Variants in INPP5F observed in about 807,000 individuals in gnomAD.
INPP5F encodes phosphatidylinositide 4-phosphatase SAC2.
Under a neutral mutation model 137.2 loss-of-function variants are expected in INPP5F, and 97 were observed. The observed-to-expected ratio is 0.71, with a 90% CI of 0.60 to 0.84. The LOEUF (loss-of-function observed/expected upper bound fraction) is 0.84. Among genes scored for constraint, INPP5F ranks in the 40% least tolerant of loss-of-function variants. The probability of loss-of-function intolerance (pLI) is 0.00; values close to 1 mark genes in which losing one functional copy is unlikely to be tolerated. For missense variants in INPP5F, 1,271 were observed against 1,371.9 expected (o/e 0.93, Z 1.16); for synonymous variants, 504 against 476.9 (o/e 1.06, Z -0.74).
intron 2 of INPP5F, among the ~76,000 whole-genome samples, chr10:119,771,231 T>C (rs147581247): frequency 6.6e-5 from 10 of 152,334 alleles, no homozygotes; most frequent in Admixed American, 5.9e-4. Context: ...TGTGATTGTT[T>C]TTTTTCACTT....
intron 2 of INPP5F, among the ~76,000 whole-genome samples, chr10:119,769,422 C>T (rs1203730009): frequency 7.9e-5 from 12 of 152,238 alleles, no homozygotes; most frequent in Admixed American, 5.2e-4. Context: ...CACACACCAC[C>T]GGATCTGGCA....
At chr10:119,756,810 T>A (rs192780161) in intron 2 of INPP5F, among the ~76,000 whole-genome samples, 1 of 150,490 alleles carries the variant, frequency 6.6e-6, no homozygotes, top group Admixed American at 6.7e-5. Flanking sequence ...TCAAACTATT[T>A]CTGTGCGTGT....
At chr10:119,726,503 CATT>C (rs1221004539) in intron 1 of INPP5F, 144 bp downstream of exon 1, 3 of 330,894 alleles carry the variant, frequency 9.1e-6, no homozygotes, top group South Asian at 2.8e-4. Flanking sequence ...CGCGAGCTGT[CATT>C]ATTCCCTGAC....
At chr10:119,784,839 A>G (rs1363916649) in intron 3 of INPP5F, among the ~76,000 whole-genome samples, 1 of 152,206 alleles carries the variant, frequency 6.6e-6, no homozygotes, top group Non-Finnish European at 1.5e-5. Context: ...TGTCTTCGTT[A>G]GCAGCCACTC....
chr10:119,768,885 G>A (rs1849255940), intron 2 of INPP5F, among the ~76,000 whole-genome samples: 1 of 152,176 alleles, frequency 6.6e-6, no homozygotes, highest in Non-Finnish European at 1.5e-5. Flanking sequence ...AATAAATTAT[G>A]GTTGTATGCT....
At chr10:119,812,701 A>G (rs1851091014) in intron 15 of INPP5F, among the ~76,000 whole-genome samples, 2 of 152,368 alleles carry the variant, frequency 1.3e-5, no homozygotes, top group Admixed American at 6.5e-5. Flanking sequence ...ATAGGGAAAC[A>G]TCCCATGATA....
At chr10:119,787,000 CT>C (rs1849943409) in intron 3 of INPP5F, among the ~76,000 whole-genome samples, 1 of 151,966 alleles carries the variant, frequency 6.6e-6, no homozygotes, top group South Asian at 2.1e-4. Flanking sequence ...AGGTTATTCC[CT>C]GTATTTTCTA....
At chr10:119,811,161 C>G (rs548157274) in intron 14 of INPP5F, among the ~76,000 whole-genome samples, 1 of 152,218 alleles carries the variant, frequency 6.6e-6, no homozygotes, top group African/African-American at 2.4e-5. Context: ...CAGCTGCATC[C>G]AGATCCTGAA....
chr10:119,826,222 T>C (rs1554897455), intron 19 of INPP5F, among the ~76,000 whole-genome samples: 1 of 152,338 alleles, frequency 6.6e-6, no homozygotes, highest in South Asian at 2.1e-4. Context: ...ACTCACCACA[T>C]GTGGTTGTGA....
intron 2 of INPP5F, among the ~76,000 whole-genome samples, chr10:119,770,227 G>T (rs1005971372): frequency 7.2e-5 from 11 of 152,220 alleles, no homozygotes; most frequent in Middle Eastern, 3.4e-3. Flanking sequence ...ATTGTAATAT[G>T]TTTAAAAAGT....
chr10:119,814,198 TG>T (rs1851163519), intron 15 of INPP5F, among the ~76,000 whole-genome samples: 1 of 152,096 alleles, frequency 6.6e-6, no homozygotes, highest in African/African-American at 2.4e-5. Flanking sequence ...GAGACCAGCC[TG>T]ACCAACATGG....
intron 9 of INPP5F, 121 bp downstream of exon 9, chr10:119,798,731 C>T (rs1850478342): frequency 5.2e-6 from 2 of 384,958 alleles, no homozygotes; most frequent in Middle Eastern, 7.3e-4. Context: ...AAGTTTAACA[C>T]ATTTAAGCTA....
intron 6 of INPP5F, among the ~76,000 whole-genome samples, chr10:119,795,097 C>T: frequency 6.9e-6 from 1 of 145,368 alleles, no homozygotes; most frequent in Non-Finnish European, 1.5e-5. Flanking sequence ...ACCTCCCTCC[C>T]TCCCGGACGG....
rs1849541426 is a variant in INPP5F at position 119,776,905 on chromosome 10, C to T, written c.179-4730C>T. 2.6e-5 allele frequency among the ~76,000 whole-genome samples: 4 copies of T among 152,076 alleles called. No individual in the cohort carries two copies. The South Asian group carries it at 8.3e-4, about 32-fold the overall frequency. On this transcript the variant is annotated intron_variant, in intron 2 of 19. Transcript: ENST00000650623. The stretch of plus-strand genomic sequence containing the variant: ...AGCTGAGACTACAGGCATGTACCAC[C>T]ATGCCCAGATAACTTGTGTATCTTT...
intron 9 of INPP5F, 129 bp downstream of exon 9, chr10:119,798,739 C>A: frequency 2.3e-6 from 1 of 432,278 alleles, no homozygotes. Context: ...CACATTTAAG[C>A]TAAGAGTTTT....
chr10:119,796,122 AT>A (rs1168284902), intron 6 of INPP5F, among the ~76,000 whole-genome samples: 10 of 151,842 alleles, frequency 6.6e-5, no homozygotes, highest in Non-Finnish European at 1.5e-4. Flanking sequence ...GCTGGATGAC[AT>A]TTTAAAATAA....
Position 119,787,033 on chromosome 10 carries a change from C to G in INPP5F, c.316-4484C>G, listed in dbSNP as rs1329562118. Among the ~76,000 whole-genome samples the G allele has an allele frequency of 6.6e-6, 1 of 152,082 alleles. No individual in the cohort carries two copies. Among genetic ancestry groups the G allele is most frequent in the Non-Finnish European group, 1.5e-5 (1 of 68,028 alleles). On this transcript the variant is annotated intron_variant, in intron 3 of 19. Transcript: ENST00000650623. This position sits in a 1 kb window ranked among gnomAD's most constrained non-coding sequence, Gnocchi z 4.1. ...TCTACCCTCTAAAGTGGTTCTGGAGCATTACCCCACGATAAAACACATTAA... is the reference window on the plus strand; with the variant it reads ...TCTACCCTCTAAAGTGGTTCTGGAGGATTACCCCACGATAAAACACATTAA...
At chr10:119,798,099 T>C (rs900832469) in intron 8 of INPP5F, among the ~76,000 whole-genome samples, 4 of 152,118 alleles carry the variant, frequency 2.6e-5, no homozygotes, top group African/African-American at 9.7e-5. Context: ...ATTTTAACTT[T>C]GGTCTTGGAA....
At chr10:119,766,352 C>A (rs1191839488) in intron 2 of INPP5F, among the ~76,000 whole-genome samples, 1 of 152,060 alleles carries the variant, frequency 6.6e-6, no homozygotes, top group Non-Finnish European at 1.5e-5. Context: ...CAAGTTGACC[C>A]ACAAAATTAA....
Sources: gnomAD v4.1 joint callset for allele counts (sites outside exome capture counted in the v4.1 genomes callset) on GRCh38, gnomAD v4.1.1 for gene constraint, Gnocchi (gnomAD v3.1) non-coding constraint, MANE v1.5 for transcripts, NCBI Gene and HGNC (gene_info 2026-07-23, HGNC 2026-07-21) for gene names.